BMP6: variants seen among roughly 807,000 people sequenced by gnomAD.
BMP6 encodes the protein bone morphogenetic protein 6, also known as VG-1-R.
Under a neutral mutation model 54.1 loss-of-function variants are expected in BMP6, and 17 were observed. The ratio of observed to expected loss-of-function variants is 0.31; its 90% confidence interval spans 0.22 to 0.47. BMP6 has a LOEUF of 0.47. Among genes scored for constraint, BMP6 ranks in the 20% least tolerant of loss-of-function variants. BMP6 has a pLI of 1.00. For missense variants in BMP6, 720 were observed against 690.4 expected, an observed-to-expected ratio of 1.04 and a Z score of -0.48; for synonymous variants, 328 against 291.2, an observed-to-expected ratio of 1.13 and a Z score of -1.28.
chr6:7,845,882 T>C (rs1263226047), intron 2 of BMP6, among the ~76,000 whole-genome samples: 1 of 152,176 alleles, frequency 6.6e-6, no homozygotes, highest in Non-Finnish European at 1.5e-5. Context: ...GGCCAGACCA[T>C]TTTACAAAAG....
At chr6:7,802,973 G>T (rs1161137750) in intron 1 of BMP6, among the ~76,000 whole-genome samples, 1 of 152,214 alleles carries the variant, frequency 6.6e-6, no homozygotes, top group Non-Finnish European at 1.5e-5. Context: ...TGCTAAGAGA[G>T]ATATGGTTGC....
At chr6:7,846,830 G>A (rs368598797) in intron 2 of BMP6, among the ~76,000 whole-genome samples, 2 of 152,098 alleles carry the variant, frequency 1.3e-5, no homozygotes, top group Non-Finnish European at 2.9e-5. Flanking sequence ...CTTTGGAACT[G>A]TTTTAGCCAT....
intron 2 of BMP6, among the ~76,000 whole-genome samples, chr6:7,860,660 G>A (rs1241496730): frequency 6.6e-6 from 1 of 152,138 alleles, no homozygotes; most frequent in Non-Finnish European, 1.5e-5. Flanking sequence ...CACTGTGCTG[G>A]GATGAACTTT....
At chr6:7,757,349 G>GA (rs1757534263) in intron 1 of BMP6, among the ~76,000 whole-genome samples, 1 of 152,150 alleles carries the variant, frequency 6.6e-6, no homozygotes. Flanking sequence ...GCCTTTCTCT[G>GA]AGCTTCTGGT....
intron 1 of BMP6, among the ~76,000 whole-genome samples, chr6:7,729,685 A>G (rs547111526): frequency 3.9e-5 from 6 of 152,280 alleles, no homozygotes; most frequent in Admixed American, 1.3e-4. Context: ...GGAGATCCCA[A>G]TGTCTGAAGG....
Position 7,835,835 on chromosome 6 carries a change from AT to A in BMP6, c.665-9294del, listed in dbSNP as rs70982111. Among the ~76,000 whole-genome samples, 84 of 146,730 alleles carry A rather than the reference AT, an allele frequency of 5.7e-4. 2 individuals are homozygous for A. Among genetic ancestry groups the A allele is most frequent in the South Asian group, 3.7e-3 (17 of 4,548 alleles). On this transcript the variant is annotated intron_variant, in intron 1 of 6. Transcript: ENST00000283147. ...GTGGTAGCTACTGAGCATCTCCCCA[AT>A]TTTTTTTTTTCTTTTTTTGAGATGG... is the stretch of plus-strand genomic sequence containing the variant.
intron 4 of BMP6, among the ~76,000 whole-genome samples, chr6:7,870,628 AAC>A (rs368026395): frequency 4.0e-5 from 6 of 151,598 alleles, no homozygotes; most frequent in African/African-American, 1.2e-4. Flanking sequence ...TTTTTTAAAA[AAC>A]AACAACAACA....
chr6:7,813,404 T>C (rs1336039902), intron 1 of BMP6, among the ~76,000 whole-genome samples: 1 of 121,200 alleles, frequency 8.3e-6, no homozygotes, highest in African/African-American at 3.2e-5. Context: ...AGAGGTTGCT[T>C]AACCCTAGGA....
chr6:7,824,654 C>T (rs776018249), intron 1 of BMP6, among the ~76,000 whole-genome samples: 1 of 152,100 alleles, frequency 6.6e-6, no homozygotes, highest in Non-Finnish European at 1.5e-5. Flanking sequence ...CTGATAATTC[C>T]AAAAGGGTAA....
chr6:7,809,518 A>C (rs1459007827), intron 1 of BMP6, among the ~76,000 whole-genome samples: 1 of 152,208 alleles, frequency 6.6e-6, no homozygotes, highest in African/African-American at 2.4e-5. Flanking sequence ...GTGGCTATGT[A>C]GAGGCGGAAA....
intron 1 of BMP6, among the ~76,000 whole-genome samples, chr6:7,763,059 A>G (rs934365684): frequency 2.0e-5 from 3 of 152,128 alleles, no homozygotes; most frequent in Non-Finnish European, 2.9e-5. Context: ...GCATCCCCAC[A>G]CTCTGCTTTG....
At chr6:7,758,896 G>A (rs1757566001) in intron 1 of BMP6, among the ~76,000 whole-genome samples, 1 of 152,166 alleles carries the variant, frequency 6.6e-6, no homozygotes, top group Admixed American at 6.5e-5. Flanking sequence ...AGGGGAGTCG[G>A]TGCAGCCATG....
At chr6:7,841,191 A>C (rs1326604130) in intron 1 of BMP6, among the ~76,000 whole-genome samples, 1 of 152,246 alleles carries the variant, frequency 6.6e-6, no homozygotes, top group Non-Finnish European at 1.5e-5. Flanking sequence ...TATAGGTAAG[A>C]AAAAAGCTAG....
chr6:7,809,307 G>GA (rs1160264458), intron 1 of BMP6, among the ~76,000 whole-genome samples: 5 of 152,150 alleles, frequency 3.3e-5, no homozygotes, highest in East Asian at 1.9e-4. Context: ...CCGTGGCCAG[G>GA]AAAAAAAGCT....
At chr6:7,844,996 G>T in intron 1 of BMP6, 144 bp from the exon 2 acceptor site, 1 of 649,828 alleles carries the variant, frequency 1.5e-6, no homozygotes, top group South Asian at 2.5e-5. Context: ...GCCAGCCAGT[G>T]GTCTGTTCAC....
chr6:7,736,464 C>A (rs1027433474), intron 1 of BMP6, among the ~76,000 whole-genome samples: 2 of 152,176 alleles, frequency 1.3e-5, no homozygotes, highest in South Asian at 4.1e-4. Context: ...GACAAAATAT[C>A]GTACTGGCCC....
Position 7,880,346 on chromosome 6 carries a change from C to G in BMP6, c.*3C>G, listed in dbSNP as rs770745045. Reference sequence around the variant, plus strand: ...TAAGAGCTTGTGGATGCCACTAACTCGAAACCAGATGCTGGGGACACACAT... The same window carrying G: ...TAAGAGCTTGTGGATGCCACTAACTGGAAACCAGATGCTGGGGACACACAT... On this transcript the variant is annotated 3_prime_UTR_variant, in exon 7 of 7. Transcript: ENST00000283147. The G allele has an allele frequency of 6.2e-7, 1 of 1,613,992 alleles. No individual in the cohort carries two copies. The highest frequency in any genetic ancestry group is 2.2e-5 in the East Asian group (1 of 44,888).
At chr6:7,775,917 A>G (rs1309561273) in intron 1 of BMP6, among the ~76,000 whole-genome samples, 1 of 152,198 alleles carries the variant, frequency 6.6e-6, no homozygotes, top group Admixed American at 6.6e-5. Flanking sequence ...TTTGTTTTCA[A>G]ATAACTTTAC....
intron 1 of BMP6, among the ~76,000 whole-genome samples, chr6:7,821,411 A>G (rs544819872): frequency 2.0e-5 from 3 of 152,294 alleles, no homozygotes; most frequent in African/African-American, 7.2e-5. Flanking sequence ...TGAGCTGGTC[A>G]TGGTTGCTCA....
Sources: allele counts gnomAD v4.1 joint callset (sites outside exome capture counted in the v4.1 genomes callset), GRCh38; gene constraint gnomAD v4.1.1; transcripts MANE v1.5; gene names NCBI Gene and HGNC (gene_info 2026-07-23, HGNC 2026-07-21).